The following NBEA variants were observed in gnomAD, a reference collection of about 807,000 sequenced individuals.
NBEA encodes the protein neurobeachin.
In NBEA, 44 loss-of-function variants were observed where a neutral mutation model predicts 343.4. The observed-to-expected ratio is 0.13, with a 90% CI of 0.10 to 0.16. The LOEUF (loss-of-function observed/expected upper bound fraction) is 0.16. Ranked by LOEUF, NBEA falls within the 10% of genes least tolerant of loss-of-function variation. The probability of loss-of-function intolerance (pLI) is 1.00; values close to 1 mark genes in which losing one functional copy is unlikely to be tolerated. For missense variants in NBEA, 2,555 were observed against 3,631.3 expected, an observed-to-expected ratio of 0.70 and a Z score of 7.62; for synonymous variants, 1,175 against 1,238.7, an observed-to-expected ratio of 0.95 and a Z score of 1.08.
In NBEA at chr13:35,244,328, C is replaced by T. The variant is rs376237048; in HGVS notation, c.5776+11709C>T. 5.9e-5 allele frequency among the ~76,000 whole-genome samples: 9 copies of T among 152,016 alleles called. 1 individual carries two copies. The highest frequency in any genetic ancestry group is 2.2e-4 in the African/African-American group (9 of 41,534). ...ATGAGGATCAAGTTTTATTCTCCTA[C>T]ATGTGAATAGCCAATTATCCCAGCA... On this transcript the variant is annotated intron_variant, in intron 34 of 58. Coordinates refer to ENST00000379939, the MANE Select transcript of NBEA (RefSeq NM_001385012.1).
chr13:35,612,984 T>C (rs1285189826), intron 48 of NBEA, among the ~76,000 whole-genome samples: 3 of 151,682 alleles, frequency 2.0e-5, no homozygotes, highest in African/African-American at 7.3e-5. Flanking sequence ...TGTGATCTTT[T>C]GATATATGTA....
At chr13:35,047,347 T>C (rs1192097835) in intron 4 of NBEA, among the ~76,000 whole-genome samples, 2 of 151,966 alleles carry the variant, frequency 1.3e-5, no homozygotes, top group Non-Finnish European at 2.9e-5. Context: ...TGAAGAACTC[T>C]GATGGCTAGA....
chr13:35,534,134 G>A (rs1042664074), intron 41 of NBEA, among the ~76,000 whole-genome samples: 2 of 152,104 alleles, frequency 1.3e-5, no homozygotes, highest in Non-Finnish European at 2.9e-5. Context: ...CTAAAGTCTG[G>A]ACTGAACTTC....
intron 40 of NBEA, among the ~76,000 whole-genome samples, chr13:35,457,286 ACATAT>A (rs1433794461): frequency 6.6e-6 from 1 of 152,156 alleles, no homozygotes; most frequent in African/African-American, 2.4e-5. Flanking sequence ...GATGTAATTC[ACATAT>A]CATATAATTG....
intron 40 of NBEA, among the ~76,000 whole-genome samples, chr13:35,468,514 A>G (rs1349389632): frequency 3.3e-5 from 5 of 152,174 alleles, no homozygotes; most frequent in African/African-American, 7.2e-5. Flanking sequence ...TGAAATACTT[A>G]ATCATTGAAT....
chr13:35,052,766 A>G (rs1172653855), intron 6 of NBEA, among the ~76,000 whole-genome samples: 3 of 151,984 alleles, frequency 2.0e-5, no homozygotes, highest in African/African-American at 4.8e-5. Context: ...AATAAGTACT[A>G]TGGTCTTTAC....
At chr13:35,196,398 T>A in intron 31 of NBEA, 96 bp downstream of exon 31, 2 of 1,144,936 alleles carry the variant, frequency 1.7e-6, no homozygotes, top group Non-Finnish European at 2.4e-6. Flanking sequence ...GAAAACTTTA[T>A]TAACGTAGAT....
intron 38 of NBEA, among the ~76,000 whole-genome samples, chr13:35,408,741 G>GA: frequency 6.6e-6 from 1 of 152,160 alleles, no homozygotes; most frequent in Admixed American, 6.5e-5. Context: ...ATAATCATAT[G>GA]AAAAAAAGTT....
At chr13:35,600,682 A>G (rs1324704842) in intron 47 of NBEA, among the ~76,000 whole-genome samples, 2 of 152,182 alleles carry the variant, frequency 1.3e-5, no homozygotes, top group Non-Finnish European at 2.9e-5. Flanking sequence ...CATGTTACAT[A>G]TCAATAAACT....
chr13:35,176,921 C>A, intron 27 of NBEA, 75 bp from the exon 28 acceptor site: 2 of 963,626 alleles, frequency 2.1e-6, no homozygotes, highest in Non-Finnish European at 3.2e-6. Context: ...ACCAGTTTAG[C>A]CTGAATTAAG....
Position 35,056,085 on chromosome 13 carries a change from C to T in NBEA, c.1048C>T (p.Leu350=), listed in dbSNP as rs542673512. 6.2e-7 allele frequency: 1 copy of T among 1,606,348 alleles called. No homozygotes were observed. The highest frequency in any genetic ancestry group is 1.3e-5 in the African/African-American group (1 of 74,856). ...SEIRCYVNGQ[L]VSYGDMAWHV... Reference sequence around the variant, plus strand: ...AATTCGGTGTTATGTTAATGGACAACTGGTATCTTATGGTGATATGGCTTG... The same window carrying T: ...AATTCGGTGTTATGTTAATGGACAATTGGTATCTTATGGTGATATGGCTTG... Residue 350 remains leucine, a synonymous_variant, in exon 7 of 59, where the codon CTG becomes TTG. Coordinates refer to ENST00000379939, the MANE Select transcript of NBEA (RefSeq NM_001385012.1).
intron 38 of NBEA, 22 bp from the exon 39 acceptor site, chr13:35,432,247 C>CT: frequency 3.8e-6 from 6 of 1,569,422 alleles, no homozygotes; most frequent in South Asian, 2.4e-5. Context: ...ATAGGGATTA[C>CT]TTTTTTTCCC....
At chr13:35,221,672 A>T (rs902028233) in intron 33 of NBEA, among the ~76,000 whole-genome samples, 21 of 152,188 alleles carry the variant, frequency 1.4e-4, no homozygotes, top group African/African-American at 3.9e-4. Context: ...ACCTTAATGA[A>T]GTCAAGGTTA....
At chr13:34,952,734 A>C (rs1241610111) in intron 1 of NBEA, among the ~76,000 whole-genome samples, 2 of 152,192 alleles carry the variant, frequency 1.3e-5, no homozygotes, top group Non-Finnish European at 2.9e-5. Context: ...GGGAGTAAAA[A>C]TATCTAGATA....
intron 34 of NBEA, among the ~76,000 whole-genome samples, chr13:35,246,765 A>C (rs1223191692): frequency 6.6e-6 from 1 of 152,148 alleles, no homozygotes; most frequent in Non-Finnish European, 1.5e-5. Context: ...GGCTGGCAGG[A>C]GGTGGTGCTT....
chr13:35,537,519 G>A (rs7332001), intron 41 of NBEA, among the ~76,000 whole-genome samples: 7,068 of 152,154 alleles, frequency 0.046, 172 homozygotes, highest in East Asian at 0.067. Flanking sequence ...CATTAAAAAT[G>A]AAATTATACA....
intron 39 of NBEA, among the ~76,000 whole-genome samples, chr13:35,442,821 T>C (rs896610791): frequency 6.6e-6 from 1 of 152,126 alleles, no homozygotes; most frequent in Non-Finnish European, 1.5e-5. Flanking sequence ...CCTGTCAATA[T>C]AAAAAGTGCA....
chr13:35,660,388 C>T (rs2085031322), intron 55 of NBEA, among the ~76,000 whole-genome samples: 1 of 152,140 alleles, frequency 6.6e-6, no homozygotes, highest in South Asian at 2.1e-4. Context: ...AGAGGATTTA[C>T]CGTTCATCTT....
chr13:35,329,523 C>T (rs2038793205), intron 36 of NBEA, among the ~76,000 whole-genome samples: 1 of 151,894 alleles, frequency 6.6e-6, no homozygotes, highest in South Asian at 2.1e-4. Flanking sequence ...AAAATATGAG[C>T]TACTGATACA....
Sources: gnomAD v4.1 joint callset for allele counts (sites outside exome capture counted in the v4.1 genomes callset) on GRCh38, gnomAD v4.1.1 for gene constraint, MANE v1.5 for transcripts, NCBI Gene and HGNC (gene_info 2026-07-23, HGNC 2026-07-21) for gene names.